ZFY: variants seen among roughly 807,000 people sequenced by gnomAD.
ZFY encodes the protein zinc finger protein Y-linked, also known as zinc finger Y-chromosomal protein.
For synonymous variants in ZFY, 47 were observed against 55.8 expected (o/e 0.84, Z 0.71); for missense variants, 113 against 170.9 (o/e 0.66, Z 1.89).
chrY:2,971,724 G>A (rs2051348407), intron 3 of ZFY, among the ~76,000 whole-genome samples: 1 of 33,036 alleles, frequency 3.0e-5, no homozygotes, highest in Non-Finnish European at 7.4e-5. Flanking sequence ...TTACACCAAT[G>A]TTAACATTAA....
intron 1 of ZFY, among the ~76,000 whole-genome samples, chrY:2,942,394 AT>A (rs775454723): frequency 1.8e-3 from 7 of 3,880 alleles, no homozygotes; most frequent in Non-Finnish European, 1.1e-3. Flanking sequence ...TGCCAGGGCT[AT>A]TTTTTTTTTT....
intron 1 of ZFY, among the ~76,000 whole-genome samples, chrY:2,938,681 G>C (rs2051225737): frequency 3.4e-5 from 1 of 29,523 alleles, no homozygotes; most frequent in Non-Finnish European, 8.1e-5. Context: ...GGGTTCAAGC[G>C]ATTCTCCTGC....
chrY:2,955,776 G>C, intron 2 of ZFY, among the ~76,000 whole-genome samples: 1 of 33,562 alleles, frequency 3.0e-5, no homozygotes, highest in African/African-American at 1.2e-4. Flanking sequence ...TAGGCAAGAG[G>C]CTAATATATT....
At chrY:2,954,036 C>T (rs781603575) in intron 2 of ZFY, 39 bp downstream of exon 2, 1 of 335,866 alleles carries the variant, frequency 3.0e-6, no homozygotes, top group Non-Finnish European at 4.3e-6. Flanking sequence ...TCCCATCTGC[C>T]AGATTTTGAA....
Position 2,975,621 on chromosome Y carries a change from G to A in ZFY, c.895G>A (p.Val299Ile). 3 of 396,996 alleles carry A rather than the reference G, an allele frequency of 7.6e-6. No individual in the cohort carries two copies. The highest frequency in any genetic ancestry group is 1.1e-5 in the Non-Finnish European group (3 of 282,908). Reference sequence around the variant, plus strand: ...CAGGGAAAAGATGGTTTATATGACTGTCAATGACTCTCAACAAGAAGATGA... The same window carrying A: ...CAGGGAAAAGATGGTTTATATGACTATCAATGACTCTCAACAAGAAGATGA... ...VPREKMVYMT[V>I]NDSQQEDEDL... The change falls in exon 5 of 8, where the codon GTC (valine) becomes ATC (isoleucine). Residue 299 changes from valine to isoleucine, a missense_variant. By Grantham distance (29) the Val-to-Ile change is conservative. Coordinates refer to ENST00000155093, the MANE Select transcript of ZFY (RefSeq NM_003411.4).
chrY:2,965,553 A>C, intron 3 of ZFY, among the ~76,000 whole-genome samples: 1 of 33,241 alleles, frequency 3.0e-5, no homozygotes, highest in Non-Finnish European at 7.4e-5. Flanking sequence ...GCTGTTGAAC[A>C]TACTGGTTTT....
chrY:2,959,850 T>TTTTTTTCC (rs2051302921), intron 2 of ZFY, among the ~76,000 whole-genome samples: 2 of 30,582 alleles, frequency 6.5e-5, no homozygotes, highest in Non-Finnish European at 1.6e-4. Context: ...ATAAATAGCC[T>TTTTTTTCC]TTTTTTCCTT....
At chrY:2,960,074 T>C (rs2051304259) in intron 2 of ZFY, among the ~76,000 whole-genome samples, 1 of 32,692 alleles carries the variant, frequency 3.1e-5, no homozygotes, top group Non-Finnish European at 7.5e-5. Flanking sequence ...TTCCTATTTG[T>C]GGTGTTCATT....
At chrY:2,953,320 C>T in intron 1 of ZFY, among the ~76,000 whole-genome samples, 1 of 27,152 alleles carries the variant, frequency 3.7e-5, no homozygotes. Context: ...TATGACAGAG[C>T]CAGAGGCCCT....
chrY:2,938,967 A>G (rs569855051), intron 1 of ZFY, among the ~76,000 whole-genome samples: 370 of 16,012 alleles, frequency 0.023, no homozygotes, highest in Middle Eastern at 0.047. Context: ...ACTTTCTTTC[A>G]AAAAGCATAC....
intron 1 of ZFY, among the ~76,000 whole-genome samples, chrY:2,947,482 G>A (rs2051265571): frequency 5.9e-5 from 2 of 33,938 alleles, no homozygotes; most frequent in Admixed American, 5.3e-4. Flanking sequence ...CGAGCTTACA[G>A]TTGTGTTTTT....
intron 2 of ZFY, among the ~76,000 whole-genome samples, chrY:2,956,388 C>G (rs2124505612): frequency 3.0e-5 from 1 of 33,353 alleles, no homozygotes; most frequent in East Asian, 7.7e-4. Flanking sequence ...ATACAGTTCA[C>G]CATAATTTAG....
intron 1 of ZFY, among the ~76,000 whole-genome samples, chrY:2,939,018 T>TATATATAA (rs2051231103): frequency 5.2e-5 from 1 of 19,299 alleles, no homozygotes; most frequent in South Asian, 1.2e-3. Flanking sequence ...TATATATATA[T>TATATATAA]ATATAAATAA....
chrY:2,946,620 T>C, intron 1 of ZFY, among the ~76,000 whole-genome samples: 1 of 32,236 alleles, frequency 3.1e-5, no homozygotes, highest in Non-Finnish European at 7.5e-5. Context: ...AAAATTTGCT[T>C]TATCTTGAAA....
At chrY:2,943,739 A>G in intron 1 of ZFY, among the ~76,000 whole-genome samples, 3 of 33,841 alleles carry the variant, frequency 8.9e-5, no homozygotes, top group Non-Finnish European at 1.5e-4. Context: ...GCGTGGTTCA[A>G]TTGAGGGGAA....
chrY:2,973,340 G>A, intron 3 of ZFY, among the ~76,000 whole-genome samples: 3 of 33,279 alleles, frequency 9.0e-5, no homozygotes, highest in African/African-American at 2.4e-4. Flanking sequence ...GAGTCACCAC[G>A]CCTGGCCTTG....
chrY:2,957,280 C>T (rs2051295943), intron 2 of ZFY, among the ~76,000 whole-genome samples: 1 of 31,798 alleles, frequency 3.1e-5, no homozygotes, highest in Non-Finnish European at 7.6e-5. Context: ...GTGATCCACC[C>T]GCCTCAGCCT....
chrY:2,948,623 C>CT (rs2051269076), intron 1 of ZFY, among the ~76,000 whole-genome samples: 2 of 33,505 alleles, frequency 6.0e-5, no homozygotes, highest in African/African-American at 2.3e-4. Flanking sequence ...GATGCTATTT[C>CT]TTTTCAGATT....
intron 2 of ZFY, among the ~76,000 whole-genome samples, chrY:2,954,879 C>CTT (rs2051288686): frequency 6.2e-5 from 2 of 32,238 alleles, no homozygotes; most frequent in Non-Finnish European, 1.5e-4. Context: ...CCATTTTTTG[C>CTT]TTTCAGAGCC....
Sources: allele counts gnomAD v4.1 joint callset (sites outside exome capture counted in the v4.1 genomes callset), GRCh38; gene constraint gnomAD v4.1.1; transcripts MANE v1.5; gene names NCBI Gene and HGNC (gene_info 2026-07-23, HGNC 2026-07-21).